Variants in MYO3B observed in about 807,000 individuals in gnomAD.
The protein encoded by MYO3B is myosin IIIB, also known as myosin-IIIb.
In MYO3B, 156 loss-of-function variants were observed where a neutral mutation model predicts 174.6. The observed-to-expected ratio is 0.89, with a 90% CI of 0.78 to 1.02. MYO3B has a LOEUF of 1.02. Ranked by LOEUF, MYO3B falls within the 50% of genes least tolerant of loss-of-function variation. MYO3B has a pLI of 0.00. For synonymous variants in MYO3B, 563 were observed against 569.1 expected (o/e 0.99, Z 0.15); for missense variants, 1,632 against 1,639.4 (o/e 1.00, Z 0.08).
intron 30 of MYO3B, among the ~76,000 whole-genome samples, chr2:170,539,010 C>A (rs1325728093): frequency 1.3e-5 from 2 of 152,198 alleles, no homozygotes; most frequent in Non-Finnish European, 2.9e-5. Flanking sequence ...TCCTTAATAT[C>A]GTCCCATACC....
chr2:170,274,963 C>T (rs1377160087), intron 7 of MYO3B, among the ~76,000 whole-genome samples: 1 of 152,050 alleles, frequency 6.6e-6, no homozygotes, highest in African/African-American at 2.4e-5. Context: ...CATGATATTG[C>T]TTTTTGACTT....
At chr2:170,198,746 T>C (rs1390676023) in intron 1 of MYO3B, among the ~76,000 whole-genome samples, 6 of 152,202 alleles carry the variant, frequency 3.9e-5, no homozygotes, top group Non-Finnish European at 8.8e-5. Flanking sequence ...ATGAGTCAAA[T>C]GCCTGGTAGT....
At chr2:170,560,686 G>A (rs1193675481) in intron 32 of MYO3B, among the ~76,000 whole-genome samples, 1 of 152,144 alleles carries the variant, frequency 6.6e-6, no homozygotes, top group Admixed American at 6.6e-5. Flanking sequence ...AATTTCAAAG[G>A]AGCCGTTTTT....
At chr2:170,318,282 T>G (rs760097071) in intron 7 of MYO3B, among the ~76,000 whole-genome samples, 1 of 152,250 alleles carries the variant, frequency 6.6e-6, no homozygotes, top group African/African-American at 2.4e-5. Flanking sequence ...CTGAAAAATC[T>G]GGTCTGTTTA....
intron 32 of MYO3B, among the ~76,000 whole-genome samples, chr2:170,561,461 A>T (rs1156947020): frequency 1.3e-5 from 2 of 152,224 alleles, no homozygotes; most frequent in Non-Finnish European, 2.9e-5. Flanking sequence ...TCTTTTGCAC[A>T]TCTTTTTACA....
At chr2:170,246,013 T>A (rs901749237) in intron 7 of MYO3B, among the ~76,000 whole-genome samples, 2 of 152,234 alleles carry the variant, frequency 1.3e-5, no homozygotes, top group South Asian at 4.1e-4. Flanking sequence ...TTGGGTCAAG[T>A]TCAGCATTTA....
intron 7 of MYO3B, among the ~76,000 whole-genome samples, chr2:170,264,597 T>C (rs2093369207): frequency 6.6e-6 from 1 of 152,244 alleles, no homozygotes. Context: ...TGATTTCGGA[T>C]GAGTTATGTG....
At chr2:170,542,095 CAT>C (rs35989896) in intron 30 of MYO3B, among the ~76,000 whole-genome samples, 51,370 of 151,840 alleles carry the variant, frequency 0.34, 9,114 homozygotes, top group Non-Finnish European at 0.39. Context: ...CCCAAAGTCA[CAT>C]GTTTGTTGTG....
intron 7 of MYO3B, among the ~76,000 whole-genome samples, chr2:170,286,188 A>G (rs2093555142): frequency 6.6e-6 from 1 of 152,246 alleles, no homozygotes; most frequent in Non-Finnish European, 1.5e-5. Flanking sequence ...ATGGGTAAGC[A>G]GAACTTCCAA....
At chr2:170,319,225 T>C (rs1424554454) in intron 7 of MYO3B, among the ~76,000 whole-genome samples, 1 of 152,230 alleles carries the variant, frequency 6.6e-6, no homozygotes, top group Non-Finnish European at 1.5e-5. Flanking sequence ...AAATTTGATG[T>C]AGAGAGAAGC....
intron 28 of MYO3B, among the ~76,000 whole-genome samples, chr2:170,514,517 T>A (rs1688177123): frequency 6.6e-6 from 1 of 152,186 alleles, no homozygotes; most frequent in Admixed American, 6.5e-5. Context: ...TCTGTTTACT[T>A]CCCTGGTAGT....
At chr2:170,459,471 C>A (rs1194135280) in intron 23 of MYO3B, among the ~76,000 whole-genome samples, 1 of 152,184 alleles carries the variant, frequency 6.6e-6, no homozygotes, top group Non-Finnish European at 1.5e-5. Flanking sequence ...ATTTACAAAC[C>A]TTTAGCTAGA....
Position 170,466,687 on chromosome 2 carries a change from TC to T in MYO3B, c.2992del (p.Leu998PhefsTer6). The T allele has an allele frequency of 6.2e-7, 1 of 1,614,182 alleles. No homozygotes were observed. The highest frequency in any genetic ancestry group is 8.5e-7 in the Non-Finnish European group (1 of 1,180,032). On this transcript the variant is annotated frameshift_variant, in exon 25 of 35. Transcript: ENST00000408978. LOFTEE classifies it high-confidence loss of function. ...CGCCGCCAGGGCTATTCCCACCGCATCCTTTTTGAAGAATTTGTGAAAAGGT... is the reference window on the plus strand; with the variant it reads ...CGCCGCCAGGGCTATTCCCACCGCATCTTTTTGAAGAATTTGTGAAAAGGT... Reference protein sequence around the residue: ...SIRRQGYSHRILFEEFVKRYY... With the variant: ...SIRRQGYSHRXLFEEFVKRYY...
intron 25 of MYO3B, among the ~76,000 whole-genome samples, chr2:170,469,893 G>T (rs567317316): frequency 6.6e-6 from 1 of 151,798 alleles, no homozygotes; most frequent in Non-Finnish European, 1.5e-5. Context: ...ACCTGAGGTC[G>T]GGAGTTCGAG....
intron 22 of MYO3B, among the ~76,000 whole-genome samples, chr2:170,423,024 A>G (rs1486903533): frequency 9.0e-6 from 1 of 111,658 alleles, no homozygotes. Flanking sequence ...TCCTGTTGCC[A>G]AGGCTGGAAT....
chr2:170,563,059 C>CACACAT (rs1398183134), intron 32 of MYO3B, among the ~76,000 whole-genome samples: 1 of 149,028 alleles, frequency 6.7e-6, no homozygotes, highest in Non-Finnish European at 1.5e-5. Context: ...CACACACACA[C>CACACAT]ACACTCTAGA....
intron 32 of MYO3B, among the ~76,000 whole-genome samples, chr2:170,611,994 C>A (rs972789476): frequency 1.3e-5 from 2 of 152,162 alleles, no homozygotes; most frequent in African/African-American, 4.8e-5. Context: ...TAATGGATCT[C>A]CAGGCCAGTT....
chr2:170,491,511 C>T lies in MYO3B; in HGVS notation c.3015-7081C>T, dbSNP rs554242980. ...CGCGATCTCTGCTCACTGCAAGCTC[C>T]GCCTCCCAGGTTCACGCCATTCTCC... On this transcript the variant is annotated intron_variant, in intron 25 of 34. Coordinates refer to ENST00000408978, the MANE Select transcript of MYO3B (RefSeq NM_138995.5). Among the ~76,000 whole-genome samples, 229 of 152,202 alleles carry T rather than the reference C, an allele frequency of 1.5e-3. 2 individuals are homozygous for T. Among genetic ancestry groups the T allele is most frequent in the Middle Eastern group, 6.8e-3 (2 of 294 alleles).
intron 7 of MYO3B, among the ~76,000 whole-genome samples, chr2:170,301,614 T>TCC (rs1289070586): frequency 3.3e-5 from 5 of 152,306 alleles, no homozygotes; most frequent in Admixed American, 1.3e-4. Flanking sequence ...AATCCCAGCT[T>TCC]CCATCAAGCA....
Sources: gnomAD v4.1 joint callset for allele counts (sites outside exome capture counted in the v4.1 genomes callset) on GRCh38, gnomAD v4.1.1 for gene constraint, MANE v1.5 for transcripts, NCBI Gene and HGNC (gene_info 2026-07-23, HGNC 2026-07-21) for gene names.